The following KHDRBS2 variants were observed in gnomAD, a reference collection of about 807,000 sequenced individuals.
The protein encoded by KHDRBS2 is KH domain-containing, RNA-binding, signal transduction-associated protein 2.
A neutral mutation model predicts 44.3 loss-of-function variants in KHDRBS2; 26 were observed. The ratio of observed to expected loss-of-function variants is 0.59; its 90% CI spans 0.43 to 0.81. The LOEUF is 0.81. Among genes scored for constraint, KHDRBS2 ranks in the 40% least tolerant of loss-of-function variants. The pLI is 0.00. For synonymous variants in KHDRBS2, 194 were observed against 151.1 expected, an observed-to-expected ratio of 1.28 and a Z score of -2.08; for missense variants, 476 against 433.1, an observed-to-expected ratio of 1.10 and a Z score of -0.88.
the KHDRBS2 span, among the ~76,000 whole-genome samples, chr6:61,633,439 A>G: frequency 6.6e-6 from 1 of 152,070 alleles, no homozygotes; most frequent in Admixed American, 6.6e-5. Flanking sequence ...CCACTTTTAT[A>G]GGTAATTTCT....
chr6:62,245,374 A>C (rs1835376400), intron 1 of KHDRBS2, among the ~76,000 whole-genome samples: 1 of 152,132 alleles, frequency 6.6e-6, no homozygotes, highest in South Asian at 2.1e-4. Context: ...CTACTCAAAA[A>C]AAACCTTTGT....
At chr6:61,998,904 T>C (rs1173871791) in intron 3 of KHDRBS2, among the ~76,000 whole-genome samples, 1 of 152,078 alleles carries the variant, frequency 6.6e-6, no homozygotes, top group Admixed American at 6.6e-5. Context: ...AACATATACA[T>C]ATCACACATA....
chr6:62,011,609 G>A lies in KHDRBS2; in HGVS notation c.337-33397C>T, dbSNP rs544289058. On this transcript the variant is annotated intron_variant, in intron 3 of 8. Transcript: ENST00000281156. ...TAGACGGTATCTACTTTCACACCGG[G>A]ATCAATGACAGTGATACCATTAATA... Among the ~76,000 whole-genome samples the A allele has an allele frequency of 8.0e-4, 121 of 152,144 alleles. 1 individual carries two copies. The Middle Eastern group carries it at 0.021, about 26-fold the overall frequency.
chr6:61,570,791 C>T, the KHDRBS2 span, among the ~76,000 whole-genome samples: 1 of 152,056 alleles, frequency 6.6e-6, no homozygotes, highest in African/African-American at 2.4e-5. Flanking sequence ...AAATAATTGT[C>T]CGCCAAGACT....
chr6:62,019,267 G>A (rs1781814185), intron 3 of KHDRBS2, among the ~76,000 whole-genome samples: 1 of 152,016 alleles, frequency 6.6e-6, no homozygotes, highest in Non-Finnish European at 1.5e-5. Context: ...TTGCATAAAT[G>A]CTCTTACAAG....
intron 6 of KHDRBS2, among the ~76,000 whole-genome samples, chr6:61,886,315 T>C (rs1295121036): frequency 6.6e-6 from 1 of 152,196 alleles, no homozygotes; most frequent in Non-Finnish European, 1.5e-5. Flanking sequence ...CCAGATTCTT[T>C]AGACTTGCTT....
chr6:61,858,628 T>C (rs1157366767), intron 6 of KHDRBS2, among the ~76,000 whole-genome samples: 1 of 151,920 alleles, frequency 6.6e-6, no homozygotes, highest in Non-Finnish European at 1.5e-5. Context: ...ATAGCCAGGG[T>C]CATACAAATC....
the KHDRBS2 span, among the ~76,000 whole-genome samples, chr6:61,674,935 T>A: frequency 5.9e-5 from 9 of 151,900 alleles, no homozygotes; most frequent in Non-Finnish European, 8.8e-5. Context: ...GTACATATTT[T>A]TGGAGTACAG....
chr6:62,034,065 G>A (rs1194549010), intron 3 of KHDRBS2, among the ~76,000 whole-genome samples: 1 of 151,608 alleles, frequency 6.6e-6, no homozygotes, highest in Non-Finnish European at 1.5e-5. Context: ...GGAAAATCTA[G>A]AAGAAATGAA....
the KHDRBS2 span, among the ~76,000 whole-genome samples, chr6:61,623,346 G>C: frequency 6.6e-6 from 1 of 152,086 alleles, no homozygotes; most frequent in Non-Finnish European, 1.5e-5. Context: ...GTCAGTGGTG[G>C]GTAAGTATGC....
intron 6 of KHDRBS2, among the ~76,000 whole-genome samples, chr6:61,790,854 G>C (rs1007269559): frequency 1.3e-5 from 2 of 151,380 alleles, no homozygotes; most frequent in African/African-American, 4.8e-5. Context: ...TTTATTATTT[G>C]AATGTATAAC....
intron 2 of KHDRBS2, among the ~76,000 whole-genome samples, chr6:62,054,370 C>T (rs766961363): frequency 5.3e-5 from 8 of 152,048 alleles, no homozygotes; most frequent in Non-Finnish European, 1.0e-4. Context: ...CATTAACAGA[C>T]TCCTGTGTAT....
At chr6:61,638,188 C>T in the KHDRBS2 span, among the ~76,000 whole-genome samples, 2 of 152,042 alleles carry the variant, frequency 1.3e-5, no homozygotes, top group South Asian at 2.1e-4. Context: ...AAAAAGAGCC[C>T]GCATCACCAA....
At chr6:62,037,249 T>C (rs1438902913) in intron 3 of KHDRBS2, among the ~76,000 whole-genome samples, 2 of 151,894 alleles carry the variant, frequency 1.3e-5, no homozygotes, top group South Asian at 4.1e-4. Flanking sequence ...GTCTGTTTTT[T>C]AATGGCTTGC....
intron 6 of KHDRBS2, among the ~76,000 whole-genome samples, chr6:61,845,468 C>T (rs1294076112): frequency 6.6e-6 from 1 of 152,148 alleles, no homozygotes; most frequent in Non-Finnish European, 1.5e-5. Flanking sequence ...TGCCACTACG[C>T]CCAGCTAATT....
chr6:61,789,113 T>C (rs1784249713), intron 6 of KHDRBS2, among the ~76,000 whole-genome samples: 1 of 151,360 alleles, frequency 6.6e-6, no homozygotes, highest in Non-Finnish European at 1.5e-5. Context: ...AATAGAATAG[T>C]GGTTGGCATC....
intron 6 of KHDRBS2, among the ~76,000 whole-genome samples, chr6:61,808,045 C>T (rs1787449290): frequency 6.6e-6 from 1 of 152,054 alleles, no homozygotes; most frequent in Non-Finnish European, 1.5e-5. Flanking sequence ...ACCCAGTAAG[C>T]TCCATCTTAT....
the KHDRBS2 span, among the ~76,000 whole-genome samples, chr6:61,665,047 A>C: frequency 2.6e-5 from 4 of 151,474 alleles, no homozygotes; most frequent in Non-Finnish European, 4.4e-5. Context: ...TCATGCTCTA[A>C]TTCATGTCTA....
chr6:62,187,969 C>CA lies in KHDRBS2; in HGVS notation c.92-10658_92-10657insT, dbSNP rs1823786926. Among the ~76,000 whole-genome samples, 4 of 151,974 alleles carry CA rather than the reference C, an allele frequency of 2.6e-5. No individual in the cohort carries two copies. In the South Asian group the frequency reaches 8.3e-4, roughly 32 times the overall value. On this transcript the variant is annotated intron_variant, in intron 1 of 8. Coordinates refer to ENST00000281156, the MANE Select transcript of KHDRBS2 (RefSeq NM_152688.4). ...TTGGCTTTTGGTGAGACCCAGAAAG[C>CA]TTTTGGTCATGGCGAAAAGGAAGGG...
Sources: allele counts gnomAD v4.1 joint callset (sites outside exome capture counted in the v4.1 genomes callset), GRCh38; gene constraint gnomAD v4.1.1; transcripts MANE v1.5; gene names NCBI Gene and HGNC (gene_info 2026-07-23, HGNC 2026-07-21).